ADAT1: variants seen among roughly 807,000 people sequenced by gnomAD.
The protein encoded by ADAT1 is tRNA-specific adenosine deaminase 1.
ADAT1 carries 58 observed loss-of-function variants against 58.6 expected under a neutral mutation model. That is an observed-to-expected ratio of 0.99 (90% CI 0.80 to 1.23). The LOEUF (loss-of-function observed/expected upper bound fraction) is 1.23, where lower values mean the gene tolerates loss of function less well. Among genes scored for constraint, ADAT1 ranks in the 50% most tolerant of loss-of-function variants. ADAT1 has a pLI of 0.00. For synonymous variants in ADAT1, 254 were observed against 220.8 expected, an observed-to-expected ratio of 1.15 and a Z score of -1.33; for missense variants, 741 against 608.6, an observed-to-expected ratio of 1.22 and a Z score of -2.29.
intron 4 of ADAT1, 47 bp downstream of exon 4, chr16:75,618,539 C>T (rs776044709): frequency 3.1e-6 from 4 of 1,298,150 alleles, no homozygotes; most frequent in East Asian, 4.9e-5. Context: ...AATTCCGGGA[C>T]TCCCACCCCA....
At chr16:75,622,033 C>A (rs1041955336) in intron 1 of ADAT1, among the ~76,000 whole-genome samples, 1 of 152,164 alleles carries the variant, frequency 6.6e-6, no homozygotes, top group Non-Finnish European at 1.5e-5. Flanking sequence ...GCCTGTAGTC[C>A]CAGCTACTCG....
chr16:75,612,236 C>G lies in ADAT1; in HGVS notation c.1043+7G>C, dbSNP rs1359318023. ...CTGTTCCAATTGAGCCCTCCCTACC[C>G]TCTCACCTTCCAATCAGTGCTCTCT... On this transcript the variant is annotated splice_region_variant and intron_variant, in intron 6 of 9. Transcript: ENST00000564657. 1.2e-6 allele frequency: 2 copies of G among 1,612,204 alleles called. No homozygotes were observed. The highest frequency in any genetic ancestry group is 1.7e-5 in the Admixed American group (1 of 59,984).
At chr16:75,610,448 C>T (rs1270326907) in intron 6 of ADAT1, among the ~76,000 whole-genome samples, 7 of 152,078 alleles carry the variant, frequency 4.6e-5, no homozygotes, top group African/African-American at 1.7e-4. Flanking sequence ...AAGTGTGTGC[C>T]ACCACACCTG....
In ADAT1 at chr16:75,597,311, A is replaced by G. The variant is rs2081093326; in HGVS notation, c.*2905T>C. The stretch of plus-strand genomic sequence containing the variant: ...GAAGAAGGCCATGCGAGACACAGAC[A>G]CAGAAGGCCATGTGAAGACGGAGGG... On this transcript the variant is annotated 3_prime_UTR_variant, in exon 10 of 10. Transcript: ENST00000564657. 2.3e-6 allele frequency: 1 copy of G among 432,610 alleles called. No individual in the cohort carries two copies. Among genetic ancestry groups the G allele is most frequent in the African/African-American group, 2.0e-5 (1 of 49,610 alleles). The allele number at this position is 432,610 out of a possible 1,614,324, so 26.8% of individuals were successfully genotyped here. A position where few individuals can be genotyped will look rare whatever the true frequency, so the allele number is the denominator to read the frequency against.
At chr16:75,620,204 A>C in intron 3 of ADAT1, 62 bp downstream of exon 3, 1 of 1,530,086 alleles carries the variant, frequency 6.5e-7, no homozygotes, top group South Asian at 1.1e-5. Flanking sequence ...CCTGACAAGG[A>C]GAGTAAAACA....
At chr16:75,620,567 T>G in intron 2 of ADAT1, 64 bp downstream of exon 2, 1 of 1,579,422 alleles carries the variant, frequency 6.3e-7, no homozygotes, top group Non-Finnish European at 8.6e-7. Context: ...ACCCTCACAG[T>G]ACAGCAATGC....
intron 5 of ADAT1, among the ~76,000 whole-genome samples, chr16:75,614,683 T>C (rs1239229168): frequency 6.6e-6 from 1 of 152,138 alleles, no homozygotes; most frequent in Non-Finnish European, 1.5e-5. Context: ...TGCAAGAGCC[T>C]GACTCATGCT....
chr16:75,622,249 G>T (rs2081955152), intron 1 of ADAT1, among the ~76,000 whole-genome samples, 154 bp downstream of exon 1: 1 of 152,200 alleles, frequency 6.6e-6, no homozygotes, highest in South Asian at 2.1e-4. Context: ...GCTCGCTACT[G>T]TAGTGAATGC....
At chr16:75,616,729 G>A (rs1263714339) in intron 5 of ADAT1, among the ~76,000 whole-genome samples, 3 of 152,116 alleles carry the variant, frequency 2.0e-5, no homozygotes, top group Admixed American at 6.6e-5. Context: ...ATTCATTTCT[G>A]TATACTCAGT....
chr16:75,622,044 G>A (rs986972335), intron 1 of ADAT1, among the ~76,000 whole-genome samples: 3 of 152,190 alleles, frequency 2.0e-5, no homozygotes, highest in East Asian at 3.9e-4. Context: ...CAGCTACTCG[G>A]GAGGCTGAGG....
intron 4 of ADAT1, 42 bp from the exon 5 acceptor site, chr16:75,617,314 T>C (rs2081766571): frequency 1.9e-6 from 3 of 1,596,018 alleles, no homozygotes; most frequent in Admixed American, 3.4e-5. Context: ...AACCGATCTC[T>C]GTGGTAAGGG....
At chr16:75,604,350 T>C (rs1233964842) in intron 8 of ADAT1, among the ~76,000 whole-genome samples, 4 of 144,038 alleles carry the variant, frequency 2.8e-5, no homozygotes, top group Non-Finnish European at 6.0e-5. Flanking sequence ...CGAGAATCAC[T>C]TGAACCCAGG....
intron 6 of ADAT1, among the ~76,000 whole-genome samples, chr16:75,609,575 G>C (rs577956152): frequency 1.3e-5 from 2 of 152,206 alleles, no homozygotes; most frequent in Non-Finnish European, 2.9e-5. Context: ...ATTTAAAGTG[G>C]ATAATTCAAT....
chr16:75,604,514 CACACATAT>C (rs1387622422), intron 8 of ADAT1, among the ~76,000 whole-genome samples: 75 of 125,898 alleles, frequency 6.0e-4, no homozygotes, highest in African/African-American at 1.9e-3. Context: ...CACACACACA[CACACATAT>C]ATACATATAT....
At chr16:75,613,022 T>C (rs2151766848) in intron 5 of ADAT1, among the ~76,000 whole-genome samples, 161 bp from the exon 6 acceptor site, 1 of 152,310 alleles carries the variant, frequency 6.6e-6, no homozygotes, top group Non-Finnish European at 1.5e-5. Context: ...CAGTGTGTTT[T>C]TAACAAGCTC....
At position 75,610,714 on chromosome 16, in the gene ADAT1, C is replaced by G. The variant is rs551918228; in HGVS notation, c.1043+1529G>C. On this transcript the variant is annotated intron_variant, in intron 6 of 9. Transcript: ENST00000564657. ...CCTATGAGGCTTGCCCTGGCCATGG[C>G]TTTGCCCTGCCCTCATTTCCTATAG... Among the ~76,000 whole-genome samples the G allele has an allele frequency of 3.0e-4, 45 of 152,192 alleles. 1 individual carries two copies. Among genetic ancestry groups the G allele is most frequent in the Non-Finnish European group, 2.6e-4 (18 of 68,036 alleles).
intron 1 of ADAT1, among the ~76,000 whole-genome samples, chr16:75,621,367 T>A (rs1390600848): frequency 2.0e-5 from 3 of 151,982 alleles, no homozygotes; most frequent in Non-Finnish European, 4.4e-5. Context: ...GAGCTCTACT[T>A]AAGGGTGTGG....
At chr16:75,622,201 A>G (rs2081953586) in intron 1 of ADAT1, among the ~76,000 whole-genome samples, 1 of 152,176 alleles carries the variant, frequency 6.6e-6, no homozygotes, top group South Asian at 2.1e-4. Flanking sequence ...CTTTTGAAAG[A>G]TGGTATTGTT....
chr16:75,622,189 AG>A (rs1389450404), intron 1 of ADAT1, among the ~76,000 whole-genome samples: 3 of 152,192 alleles, frequency 2.0e-5, no homozygotes, highest in African/African-American at 7.2e-5. Flanking sequence ...CAGTGCATGC[AG>A]CTTTTGAAAG....
Sources: allele counts gnomAD v4.1 joint callset (sites outside exome capture counted in the v4.1 genomes callset), GRCh38; gene constraint gnomAD v4.1.1; transcripts MANE v1.5; gene names NCBI Gene and HGNC (gene_info 2026-07-23, HGNC 2026-07-21).